Variants in PRKN observed in about 807,000 individuals in gnomAD.
PRKN encodes the protein E3 ubiquitin-protein ligase parkin.
In PRKN, 56 loss-of-function variants were observed where a neutral mutation model predicts 59.5. The ratio of observed to expected loss-of-function variants is 0.94; its 90% CI spans 0.76 to 1.18. The LOEUF (loss-of-function observed/expected upper bound fraction) is 1.18, where lower values mean the gene tolerates loss of function less well. Ranked by LOEUF, PRKN falls within the 50% of genes most tolerant of loss-of-function variation. PRKN has a pLI of 0.00. For missense variants in PRKN, 657 were observed against 596.4 expected (o/e 1.10, Z -1.06); for synonymous variants, 250 against 222.1 (o/e 1.13, Z -1.12).
chr6:161,610,035 A>G (rs767488060), intron 7 of PRKN, among the ~76,000 whole-genome samples: 26 of 152,236 alleles, frequency 1.7e-4, no homozygotes, highest in Non-Finnish European at 3.5e-4. Context: ...GAATGAGGCA[A>G]TGACTCAGAG....
intron 1 of PRKN, among the ~76,000 whole-genome samples, chr6:162,709,074 T>A (rs1465121396): frequency 1.3e-5 from 2 of 152,138 alleles, no homozygotes; most frequent in South Asian, 2.1e-4. Context: ...TAATGCCTGA[T>A]GATCTGTCAC....
intron 6 of PRKN, among the ~76,000 whole-genome samples, chr6:161,874,560 ATATAAAATATATATTATG>A (rs1794584075): frequency 4.4e-5 from 5 of 113,914 alleles, no homozygotes; most frequent in Admixed American, 2.3e-4. Context: ...TATATATTAT[ATATAAAATATATATTATG>A]TAAAATATAT....
chr6:162,601,912 A>G (rs1583885861), intron 1 of PRKN, among the ~76,000 whole-genome samples: 1 of 152,188 alleles, frequency 6.6e-6, no homozygotes, highest in South Asian at 2.1e-4. Flanking sequence ...GCAGTGTTCC[A>G]ATCTATCATG....
chr6:162,457,025 A>G (rs1013064406), intron 1 of PRKN, among the ~76,000 whole-genome samples: 2 of 152,226 alleles, frequency 1.3e-5, no homozygotes, highest in Admixed American at 1.3e-4. Flanking sequence ...TTGCAGTACG[A>G]AAGTTGAAAC....
chr6:161,602,293 G>A (rs1169927216), intron 7 of PRKN, among the ~76,000 whole-genome samples: 7 of 151,944 alleles, frequency 4.6e-5, no homozygotes, highest in African/African-American at 7.3e-5. Context: ...CTATTTCTAC[G>A]TATGACACTG....
chr6:162,006,446 C>A (rs1177513389), intron 5 of PRKN, among the ~76,000 whole-genome samples: 3 of 152,134 alleles, frequency 2.0e-5, no homozygotes, highest in Non-Finnish European at 4.4e-5. Context: ...ACACTGTAAA[C>A]CAGATCATAT....
chr6:162,011,237 T>TA (rs1782658942), intron 5 of PRKN, among the ~76,000 whole-genome samples: 4 of 2,604 alleles, frequency 1.5e-3, no homozygotes, highest in East Asian at 6.3e-3. Flanking sequence ...TAATATATAA[T>TA]TTATAATATA....
chr6:162,069,007 C>A (rs766621022), intron 4 of PRKN, among the ~76,000 whole-genome samples: 1 of 152,042 alleles, frequency 6.6e-6, no homozygotes, highest in Admixed American at 6.6e-5. Context: ...AGTTTAGGTA[C>A]GTGAATATTT....
At chr6:162,233,802 G>T (rs1562600292) in intron 3 of PRKN, among the ~76,000 whole-genome samples, 1 of 152,194 alleles carries the variant, frequency 6.6e-6, no homozygotes, top group African/African-American at 2.4e-5. Flanking sequence ...GATAGGACTG[G>T]TGGTTTCATA....
chr6:161,992,562 T>C (rs529217973), intron 5 of PRKN, among the ~76,000 whole-genome samples: 1 of 152,096 alleles, frequency 6.6e-6, no homozygotes, highest in South Asian at 2.1e-4. Flanking sequence ...AGATAGAAAA[T>C]AAAGAAACAC....
At chr6:162,242,902 CTTACAT>C (rs753747441) in intron 3 of PRKN, among the ~76,000 whole-genome samples, 2 of 151,994 alleles carry the variant, frequency 1.3e-5, no homozygotes, top group Admixed American at 6.6e-5. Context: ...ATATTCAACA[CTTACAT>C]TTACATGAAA....
In PRKN at chr6:161,728,269, T is replaced by C. The variant is rs117551675; in HGVS notation, c.871+57503A>G. On this transcript the variant is annotated intron_variant, in intron 7 of 11. Transcript: ENST00000366898. The stretch of plus-strand genomic sequence containing the variant: ...GAAAAAAAAAAACATTCCACACCTA[T>C]AGAAATTTTAATCACAGAAAATGAG... Among the ~76,000 whole-genome samples, 355 of 152,118 alleles carry C rather than the reference T, an allele frequency of 2.3e-3. 2 individuals are homozygous for C. Among genetic ancestry groups the C allele is most frequent in the Non-Finnish European group, 4.4e-3 (301 of 67,990 alleles).
intron 10 of PRKN, among the ~76,000 whole-genome samples, chr6:161,364,227 A>G (rs1471119113): frequency 6.6e-6 from 1 of 151,242 alleles, no homozygotes; most frequent in Non-Finnish European, 1.5e-5. Context: ...GTGGGAGGCC[A>G]AGGCAGGCAG....
At chr6:161,921,695 C>T (rs1316078918) in intron 6 of PRKN, among the ~76,000 whole-genome samples, 1 of 152,164 alleles carries the variant, frequency 6.6e-6, no homozygotes, top group East Asian at 1.9e-4. Context: ...CCTTACTGCA[C>T]TCAAATGACC....
intron 7 of PRKN, among the ~76,000 whole-genome samples, chr6:161,679,764 TTTTTTTTTG>T (rs1785242558): frequency 8.7e-6 from 1 of 114,876 alleles, no homozygotes. Flanking sequence ...TTTTTTTTTT[TTTTTTTTTG>T]AGATGGAGTC....
In PRKN at chr6:162,049,455, G is replaced by A. The variant is rs184884887; in HGVS notation, c.618+4636C>T. 6.7e-4 allele frequency among the ~76,000 whole-genome samples: 102 copies of A among 152,280 alleles called. 1 individual carries two copies. The highest frequency in any genetic ancestry group is 2.3e-3 in the African/African-American group (95 of 41,558). ...CACACTGAACACTTAACTTGAGCTAGCTATTGTCATGGTTAGTGCTCAAAC... is the reference window on the plus strand; with the variant it reads ...CACACTGAACACTTAACTTGAGCTAACTATTGTCATGGTTAGTGCTCAAAC... On this transcript the variant is annotated intron_variant, in intron 5 of 11. Transcript: ENST00000366898.
At chr6:162,607,029 C>CA (rs1188946287) in intron 1 of PRKN, among the ~76,000 whole-genome samples, 5 of 147,980 alleles carry the variant, frequency 3.4e-5, no homozygotes, top group Non-Finnish European at 7.5e-5. Flanking sequence ...TTTATTGAAA[C>CA]AAAAACACTG....
intron 7 of PRKN, among the ~76,000 whole-genome samples, chr6:161,703,819 A>ATCTCTCTC (rs1281347014): frequency 2.2e-5 from 3 of 136,298 alleles, no homozygotes; most frequent in African/African-American, 5.7e-5. Flanking sequence ...GAGGACACAC[A>ATCTCTCTC]TCTCTCTCTC....
At chr6:162,103,910 G>A (rs1023325482) in intron 4 of PRKN, among the ~76,000 whole-genome samples, 8 of 152,314 alleles carry the variant, frequency 5.3e-5, no homozygotes, top group South Asian at 4.1e-4. Context: ...AAGATGCTCC[G>A]AGAGGGTCGG....
Sources: allele counts gnomAD v4.1 joint callset (sites outside exome capture counted in the v4.1 genomes callset), GRCh38; gene constraint gnomAD v4.1.1; transcripts MANE v1.5; gene names NCBI Gene and HGNC (gene_info 2026-07-23, HGNC 2026-07-21).